GFRA1: variants seen among roughly 807,000 people sequenced by gnomAD.
GFRA1 encodes the protein GDNF family receptor alpha 1, also known as GDNF family receptor alpha-1.
Under a neutral mutation model 51.6 loss-of-function variants are expected in GFRA1, and 16 were observed. The ratio of observed to expected loss-of-function variants is 0.31; its 90% CI spans 0.21 to 0.47. GFRA1 has a LOEUF of 0.47. GFRA1 is among the 20% of genes least tolerant of loss of function. The pLI is 1.00. For synonymous variants in GFRA1, 270 were observed against 241.3 expected, an observed-to-expected ratio of 1.12 and a Z score of -1.10; for missense variants, 530 against 594.3, an observed-to-expected ratio of 0.89 and a Z score of 1.13.
chr10:116,093,592 G>A, intron 8 of GFRA1, 110 bp downstream of exon 8: 2 of 931,542 alleles, frequency 2.1e-6, no homozygotes, highest in Non-Finnish European at 1.7e-6. Flanking sequence ...AGGTACAAGA[G>A]GTACAGGCAC....
intron 4 of GFRA1, among the ~76,000 whole-genome samples, chr10:116,237,027 T>A (rs976295075): frequency 3.9e-5 from 6 of 152,206 alleles, no homozygotes; most frequent in African/African-American, 1.4e-4. Flanking sequence ...TTATAAGAAG[T>A]AATATATGTA....
At chr10:116,163,363 G>A (rs1281451637) in intron 5 of GFRA1, among the ~76,000 whole-genome samples, 2 of 152,148 alleles carry the variant, frequency 1.3e-5, no homozygotes, top group East Asian at 1.9e-4. Flanking sequence ...AGCATAGCTC[G>A]ACATTGCAGA....
chr10:116,210,459 CT>C (rs879772223), intron 5 of GFRA1, among the ~76,000 whole-genome samples: 1 of 152,240 alleles, frequency 6.6e-6, no homozygotes, highest in Non-Finnish European at 1.5e-5. Context: ...GACAGCAGCA[CT>C]TTCATTACAC....
Position 116,125,506 on chromosome 10 carries a change from T to C in GFRA1, c.485A>G (p.Asn162Ser), listed in dbSNP as rs1479925097. 6.2e-7 allele frequency: 1 copy of C among 1,614,144 alleles called. No individual in the cohort carries two copies. The highest frequency in any genetic ancestry group is 8.5e-7 in the Non-Finnish European group (1 of 1,180,028). Residue 162 changes from asparagine to serine, a missense_variant, in exon 6 of 11, where the codon AAC becomes AGC. Transcript: ENST00000355422. ...NNCLDAAKAC[N>S]LDDICKKYRS... is the part of the protein sequence containing the mutation. ...GTACTTCTTGCAAATGTCGTCGAGGTTGCAGGCCTTCGCTGCATCCAGGCA... is the reference window on the plus strand; with the variant it reads ...GTACTTCTTGCAAATGTCGTCGAGGCTGCAGGCCTTCGCTGCATCCAGGCA...
chr10:116,096,450 C>T (rs1956579147), intron 7 of GFRA1, among the ~76,000 whole-genome samples: 1 of 151,980 alleles, frequency 6.6e-6, no homozygotes, highest in Non-Finnish European at 1.5e-5. Flanking sequence ...CTGCCTCTGC[C>T]TTTCACGCAT....
At chr10:116,226,127 T>C (rs996925728) in intron 4 of GFRA1, among the ~76,000 whole-genome samples, 6 of 152,202 alleles carry the variant, frequency 3.9e-5, no homozygotes, top group Non-Finnish European at 7.3e-5. Context: ...TTCTCAATGG[T>C]AATTAACTTT....
chr10:116,162,979 C>T (rs1402051746), intron 5 of GFRA1, among the ~76,000 whole-genome samples: 1 of 152,164 alleles, frequency 6.6e-6, no homozygotes, highest in Admixed American at 6.5e-5. Flanking sequence ...TTCTCTGTAA[C>T]AGTCACATGT....
At chr10:116,123,155 T>C (rs372908961) in intron 6 of GFRA1, among the ~76,000 whole-genome samples, 1 of 152,238 alleles carries the variant, frequency 6.6e-6, no homozygotes, top group African/African-American at 2.4e-5. Flanking sequence ...GACACCCTAA[T>C]TGATTGGCTT....
chr10:116,224,748 A>G (rs1966161417), intron 4 of GFRA1, among the ~76,000 whole-genome samples: 1 of 152,246 alleles, frequency 6.6e-6, no homozygotes, highest in Non-Finnish European at 1.5e-5. Flanking sequence ...AAAACACTCC[A>G]AAATTGACTG....
intron 9 of GFRA1, among the ~76,000 whole-genome samples, chr10:116,069,404 GGAAGATGAAAATTATACTAGAGA>G (rs1181984496): frequency 3.9e-5 from 6 of 152,034 alleles, no homozygotes; most frequent in Non-Finnish European, 7.4e-5. Flanking sequence ...CTTGAGAACG[GGAAGATGAAAATTATACTAGAGA>G]GGCCTGTCCC....
chr10:116,249,135 G>A (rs1218871730), intron 4 of GFRA1, among the ~76,000 whole-genome samples: 1 of 152,176 alleles, frequency 6.6e-6, no homozygotes, highest in African/African-American at 2.4e-5. Context: ...AGCATCATCT[G>A]CTTCTCTTTG....
At chr10:116,257,327 G>A (rs937874484) in intron 4 of GFRA1, among the ~76,000 whole-genome samples, 11 of 102,896 alleles carry the variant, frequency 1.1e-4, no homozygotes, top group Admixed American at 1.0e-3. Flanking sequence ...GGACCACCCA[G>A]GGAGATGCAG....
intron 9 of GFRA1, among the ~76,000 whole-genome samples, chr10:116,077,802 G>C (rs975881234): frequency 3.9e-5 from 6 of 152,092 alleles, no homozygotes; most frequent in South Asian, 2.1e-4. Flanking sequence ...TCGGCAGGCT[G>C]GGGGGGACAG....
chr10:116,176,314 T>G (rs1304044422), intron 5 of GFRA1, among the ~76,000 whole-genome samples: 1 of 152,212 alleles, frequency 6.6e-6, no homozygotes, highest in Non-Finnish European at 1.5e-5. Context: ...CATCTTTCAC[T>G]TCTTGACATA....
intron 9 of GFRA1, among the ~76,000 whole-genome samples, chr10:116,081,915 A>G (rs1352620929): frequency 1.3e-5 from 2 of 152,264 alleles, no homozygotes; most frequent in African/African-American, 2.4e-5. Flanking sequence ...ACAGCTTCAG[A>G]TGAGTCTCAA....
At chr10:116,247,290 T>C (rs1024609574) in intron 4 of GFRA1, among the ~76,000 whole-genome samples, 7 of 152,212 alleles carry the variant, frequency 4.6e-5, no homozygotes, top group African/African-American at 1.7e-4. Context: ...TTCTCATCAC[T>C]AACCCAAGTG....
chr10:116,205,050 G>T (rs1964623251), intron 5 of GFRA1, among the ~76,000 whole-genome samples: 1 of 152,036 alleles, frequency 6.6e-6, no homozygotes, highest in Non-Finnish European at 1.5e-5. Context: ...GTGACACAAT[G>T]GTAAGAATCT....
intron 4 of GFRA1, among the ~76,000 whole-genome samples, chr10:116,249,743 C>T (rs1203735367): frequency 6.6e-6 from 1 of 152,158 alleles, no homozygotes; most frequent in African/African-American, 2.4e-5. Context: ...AATATCTACT[C>T]AGCACCTACT....
At chr10:116,239,208 T>C (rs1202783213) in intron 4 of GFRA1, among the ~76,000 whole-genome samples, 1 of 152,266 alleles carries the variant, frequency 6.6e-6, no homozygotes, top group East Asian at 1.9e-4. Flanking sequence ...GTCTAAACAC[T>C]GTTAGGCATT....
Sources: allele counts gnomAD v4.1 joint callset (sites outside exome capture counted in the v4.1 genomes callset), GRCh38; gene constraint gnomAD v4.1.1; transcripts MANE v1.5; gene names NCBI Gene and HGNC (gene_info 2026-07-23, HGNC 2026-07-21).